DNAH11: variants seen among roughly 807,000 people sequenced by gnomAD.
DNAH11 encodes the protein axonemal beta dynein heavy chain 11.
DNAH11 carries 442 observed loss-of-function variants against 526.0 expected under a neutral mutation model. The ratio of observed to expected loss-of-function variants is 0.84; its 90% CI spans 0.78 to 0.91. The LOEUF (loss-of-function observed/expected upper bound fraction) is 0.91. Among genes scored for constraint, DNAH11 ranks in the 40% least tolerant of loss-of-function variants. DNAH11 has a pLI of 0.00. For missense variants in DNAH11, 6,989 were observed against 5,448.7 expected, an observed-to-expected ratio of 1.28 and a Z score of -8.90; for synonymous variants, 2,461 against 1,935.9, an observed-to-expected ratio of 1.27 and a Z score of -7.12.
rs1402435818 is a variant in DNAH11 at position 21,543,779 on chromosome 7, A to C, written c.351+183A>C. On this transcript the variant is annotated intron_variant, in intron 1 of 81. Coordinates refer to ENST00000409508, the MANE Select transcript of DNAH11 (RefSeq NM_001277115.2). ...ACGTGCACCCACTCTGCAGTTCAGC[A>C]GCTGCAGGTTAGTTTCCTAAGTCAG... 3 of 630,324 alleles carry C rather than the reference A, an allele frequency of 4.8e-6. No homozygotes were observed. In the East Asian group the frequency reaches 8.4e-5, roughly 18 times the overall value. 39.0% of individuals were successfully genotyped at this position (630,324 alleles called of 1,614,324 possible). A position where few individuals can be genotyped will look rare whatever the true frequency, so the allele number is the denominator to read the frequency against.
At chr7:21,695,904 C>G (rs984148716) in intron 35 of DNAH11, among the ~76,000 whole-genome samples, 1 of 151,934 alleles carries the variant, frequency 6.6e-6, no homozygotes, top group Admixed American at 6.6e-5. Context: ...AAAAAAAACC[C>G]ATCAAAAAGT....
intron 65 of DNAH11, among the ~76,000 whole-genome samples, chr7:21,830,350 C>T (rs1286663497): frequency 1.3e-5 from 2 of 152,114 alleles, no homozygotes; most frequent in African/African-American, 2.4e-5. Context: ...TTTGATACTT[C>T]GGTAGTTGTT....
chr7:21,661,682 C>T (rs1782247243), intron 30 of DNAH11, among the ~76,000 whole-genome samples: 1 of 152,056 alleles, frequency 6.6e-6, no homozygotes, highest in East Asian at 1.9e-4. Flanking sequence ...ATCTCAGCTT[C>T]TACTATTCAT....
chr7:21,637,909 G>A (rs536025695), intron 27 of DNAH11, among the ~76,000 whole-genome samples: 5 of 152,106 alleles, frequency 3.3e-5, no homozygotes, highest in African/African-American at 1.2e-4. Context: ...AAAAATATTT[G>A]TTTTCTGAGA....
At chr7:21,898,516 T>C (rs1257040961) in intron 79 of DNAH11, among the ~76,000 whole-genome samples, 3 of 152,240 alleles carry the variant, frequency 2.0e-5, no homozygotes. Flanking sequence ...AGTGCCAGCC[T>C]TTCCTTCTAG....
At chr7:21,546,508 A>T (rs1021884714) in intron 2 of DNAH11, among the ~76,000 whole-genome samples, 16 of 152,286 alleles carry the variant, frequency 1.1e-4, no homozygotes, top group African/African-American at 3.8e-4. Context: ...TTCTTGCTCT[A>T]CTATCTGTGT....
At chr7:21,812,884 C>A (rs1200971040) in intron 63 of DNAH11, among the ~76,000 whole-genome samples, 1 of 152,106 alleles carries the variant, frequency 6.6e-6, no homozygotes. Context: ...TCTCATAAGT[C>A]CAGTATCCAG....
In DNAH11 at chr7:21,864,685, T is replaced by G. The variant is rs72658808; in HGVS notation, c.11496+28T>G. Reference sequence around the variant, plus strand: ...ATGTTAGGAATACAGTTTCTCAAATTCTGGATCTTATTTAAAATATTAGCT... The same window carrying G: ...ATGTTAGGAATACAGTTTCTCAAATGCTGGATCTTATTTAAAATATTAGCT... On this transcript the variant is annotated intron_variant, in intron 70 of 81. Transcript: ENST00000409508. 418 of 1,547,982 alleles carry G rather than the reference T, an allele frequency of 2.7e-4. 1 individual carries two copies. In the African/African-American group the frequency reaches 4.6e-3, roughly 17 times the overall value.
chr7:21,607,936 CAAAAAAA>C (rs34293535), intron 20 of DNAH11, among the ~76,000 whole-genome samples: 25 of 68,650 alleles, frequency 3.6e-4, no homozygotes, highest in African/African-American at 1.3e-3. Context: ...GACTTCATCT[CAAAAAAA>C]AAAAAAAAAA....
chr7:21,548,088 A>T (rs1398919845), intron 2 of DNAH11, among the ~76,000 whole-genome samples: 1 of 147,762 alleles, frequency 6.8e-6, no homozygotes, highest in Non-Finnish European at 1.5e-5. Context: ...GCAACCTTCT[A>T]CCCAACCCAT....
rs79449551 is a variant in DNAH11, at chr7:21,899,993, G to A, written c.13176G>A (p.Thr4392=). The stretch of plus-strand genomic sequence containing the variant: ...ATATTTCCAAAGCAATCATGCAGAC[G>A]ATGGCTCGAAAAAATGAGTGGCCCC... ...PQSFLTAIMQ[T]MARKNEWPLD... The change falls in exon 81 of 82, where the codon ACG becomes ACA. Residue 4392 remains threonine, a synonymous_variant. Transcript: ENST00000409508. 45 of 1,613,680 alleles carry A rather than the reference G, an allele frequency of 2.8e-5. No homozygotes were observed. The highest frequency in any genetic ancestry group is 3.2e-5 in the Non-Finnish European group (38 of 1,179,834).
chr7:21,713,099 A>G (rs1381774815), intron 42 of DNAH11, among the ~76,000 whole-genome samples: 1 of 152,168 alleles, frequency 6.6e-6, no homozygotes, highest in Non-Finnish European at 1.5e-5. Context: ...TTACTCCTCA[A>G]ATGCTTACAT....
Position 21,564,241 on chromosome 7 carries a change from C to G in DNAH11, c.1038C>G (p.Ile346Met). ...ACCTGAGACCTCTGAGGAGACACAT[C>G]CAGTGTCTCCAGGAGACGGAATTCC... ...ELYLRPLRRH[I>M]QCLQETEFPQ... Residue 346 changes from isoleucine to methionine, a missense_variant, in exon 6 of 82, where the codon ATC becomes ATG. By Grantham distance (10) the Ile-to-Met change is conservative. Coordinates refer to ENST00000409508, the MANE Select transcript of DNAH11 (RefSeq NM_001277115.2). The G allele has an allele frequency of 6.2e-7, 1 of 1,612,942 alleles. No homozygotes were observed. The highest frequency in any genetic ancestry group is 8.5e-7 in the Non-Finnish European group (1 of 1,179,316).
At chr7:21,832,972 C>T (rs575693204) in intron 65 of DNAH11, among the ~76,000 whole-genome samples, 17 of 152,192 alleles carry the variant, frequency 1.1e-4, no homozygotes, top group African/African-American at 4.1e-4. Flanking sequence ...TGGTTTGTGC[C>T]GCTTCTCATG....
In DNAH11 at chr7:21,574,867, C is replaced by CTTTTTTTTTT. The variant is rs869117425; in HGVS notation, c.1593+2912_1593+2921dup. On this transcript the variant is annotated intron_variant, in intron 8 of 81. Coordinates refer to ENST00000409508, the MANE Select transcript of DNAH11 (RefSeq NM_001277115.2). ...TACAGGCGTGAGCCACTGCACTGGG[C>CTTTTTTTTTT]TTTTTTTTTTTTTTTTTTTTTTTTT... Among the ~76,000 whole-genome samples, 6 of 42,850 alleles carry CTTTTTTTTTT rather than the reference C, an allele frequency of 1.4e-4. 1 individual carries two copies. Among genetic ancestry groups the CTTTTTTTTTT allele is most frequent in the African/African-American group, 7.4e-4 (6 of 8,066 alleles). 28.1% of individuals were successfully genotyped at this position (42,850 alleles called of 152,430 possible). A position where few individuals can be genotyped will look rare whatever the true frequency, so the allele number is the denominator to read the frequency against.
intron 35 of DNAH11, among the ~76,000 whole-genome samples, chr7:21,697,712 G>A (rs1231963790): frequency 6.6e-6 from 1 of 152,154 alleles, no homozygotes; most frequent in East Asian, 1.9e-4. Context: ...AGCCGGTTGT[G>A]AAAACATTAA....
chr7:21,738,517 C>T (rs1785717287), intron 46 of DNAH11, among the ~76,000 whole-genome samples, 184 bp from the exon 47 acceptor site: 1 of 152,126 alleles, frequency 6.6e-6, no homozygotes, highest in African/African-American at 2.4e-5. Flanking sequence ...GGGAGATTGG[C>T]AGGAGAGCAC....
chr7:21,640,301 T>C (rs1787065347), intron 28 of DNAH11, among the ~76,000 whole-genome samples: 1 of 152,178 alleles, frequency 6.6e-6, no homozygotes, highest in South Asian at 2.1e-4. Context: ...GTCACTACAC[T>C]ATGCTTCAAT....
At position 21,636,462 on chromosome 7, in the gene DNAH11, C is replaced by T. The variant is rs961219739; in HGVS notation, c.4725+367C>T. ...CTGATTTAAAAAGGTAGGCTAGGCT[C>T]GGTGGCTCACACCTATAATCCCAGC... On this transcript the variant is annotated intron_variant, in intron 26 of 81. Coordinates refer to ENST00000409508, the MANE Select transcript of DNAH11 (RefSeq NM_001277115.2). Among the ~76,000 whole-genome samples the T allele has an allele frequency of 3.3e-5, 5 of 151,976 alleles. No homozygotes were observed. The East Asian group carries it at 7.7e-4, about 23-fold the overall frequency.
Sources: gnomAD v4.1 joint callset for allele counts (sites outside exome capture counted in the v4.1 genomes callset) on GRCh38, gnomAD v4.1.1 for gene constraint, MANE v1.5 for transcripts, NCBI Gene and HGNC (gene_info 2026-07-23, HGNC 2026-07-21) for gene names.